Variants in RGS22 observed in about 807,000 individuals in gnomAD.
RGS22 encodes the protein regulator of G protein signaling 22.
RGS22 carries 148 observed loss-of-function variants against 172.9 expected under a neutral mutation model. That is an observed-to-expected ratio of 0.86 (90% CI 0.75 to 0.98). The LOEUF (loss-of-function observed/expected upper bound fraction) is 0.98, where lower values mean the gene tolerates loss of function less well. RGS22 is among the 50% of genes least tolerant of loss of function. The pLI, the probability that RGS22 is intolerant of heterozygous loss-of-function variation, is 0.00. For synonymous variants in RGS22, 458 were observed against 480.2 expected (o/e 0.95, Z 0.60); for missense variants, 1,347 against 1,440.8 (o/e 0.93, Z 1.05).
intron 22 of RGS22, among the ~76,000 whole-genome samples, chr8:99,981,454 AG>A (rs1812539578): frequency 6.6e-6 from 1 of 152,200 alleles, no homozygotes; most frequent in Admixed American, 6.5e-5. Context: ...AAAAGAAAGG[AG>A]GAATTAGCTG....
At chr8:100,094,590 A>T (rs1812824242) in intron 2 of RGS22, among the ~76,000 whole-genome samples, 1 of 152,214 alleles carries the variant, frequency 6.6e-6, no homozygotes, top group South Asian at 2.1e-4. Flanking sequence ...TAAAAATTTC[A>T]ACTGATTAAA....
In RGS22 at chr8:100,047,477, A is replaced by G. The variant is rs958889215; in HGVS notation, c.1809T>C (p.Asp603=). 5.0e-6 allele frequency: 8 copies of G among 1,598,982 alleles called. No homozygotes were observed. Among genetic ancestry groups the G allele is most frequent in the African/African-American group, 4.0e-5 (3 of 74,140 alleles). The part of the protein sequence containing the change: ...ELLYPGSSKD[D]VIEKGSKYMS... Reference sequence around the variant, plus strand: ...GTTGCACCTACCCTTTCTCAATCACATCATCCTTAGAAGAACCTGGATACA... The same window carrying G: ...GTTGCACCTACCCTTTCTCAATCACGTCATCCTTAGAAGAACCTGGATACA... Residue 603 remains aspartate, a synonymous_variant, in exon 11 of 28, where the codon GAT becomes GAC. Coordinates refer to ENST00000360863, the MANE Select transcript of RGS22 (RefSeq NM_015668.5).
At chr8:99,973,064 T>A (rs918463740) in intron 23 of RGS22, among the ~76,000 whole-genome samples, 3 of 150,152 alleles carry the variant, frequency 2.0e-5, no homozygotes, top group African/African-American at 7.4e-5. Context: ...ACACTGTTGG[T>A]GGAAGTGTAA....
At chr8:100,016,626 A>C (rs1354490364) in intron 14 of RGS22, among the ~76,000 whole-genome samples, 2 of 151,908 alleles carry the variant, frequency 1.3e-5, no homozygotes, top group Admixed American at 1.3e-4. Flanking sequence ...AAATACAAAA[A>C]ATTAGCCGGG....
chr8:99,962,625 G>C, intron 26 of RGS22, 62 bp downstream of exon 26: 1 of 1,514,506 alleles, frequency 6.6e-7, no homozygotes, highest in African/African-American at 1.4e-5. Flanking sequence ...ATGGCCAGGT[G>C]AGAGGCAAAA....
intron 14 of RGS22, among the ~76,000 whole-genome samples, chr8:100,010,632 T>C (rs1280154444): frequency 6.6e-6 from 1 of 152,172 alleles, no homozygotes; most frequent in Non-Finnish European, 1.5e-5. Flanking sequence ...CTGAGATCCT[T>C]GAGGGCAAAG....
At chr8:99,997,448 A>G (rs1814515987) in intron 19 of RGS22, among the ~76,000 whole-genome samples, 1 of 152,188 alleles carries the variant, frequency 6.6e-6, no homozygotes, top group African/African-American at 2.4e-5. Context: ...CCCAAAGCTT[A>G]TTTCCAGAAA....
intron 4 of RGS22, among the ~76,000 whole-genome samples, chr8:100,075,581 G>A (rs945904966): frequency 3.3e-5 from 5 of 152,166 alleles, no homozygotes; most frequent in African/African-American, 1.2e-4. Flanking sequence ...TGTTTAACTT[G>A]GAAAGAAGTG....
chr8:100,006,679 C>T (rs866892353), intron 15 of RGS22, among the ~76,000 whole-genome samples: 1 of 152,274 alleles, frequency 6.6e-6, no homozygotes, highest in South Asian at 2.1e-4. Flanking sequence ...GAAGAGCTGC[C>T]TGAGAACTTT....
chr8:100,005,770 G>A (rs1815627877), intron 16 of RGS22, among the ~76,000 whole-genome samples: 2 of 152,162 alleles, frequency 1.3e-5, no homozygotes, highest in South Asian at 4.1e-4. Flanking sequence ...TCTGGTCTTA[G>A]CTAAGGCAAA....
intron 9 of RGS22, among the ~76,000 whole-genome samples, chr8:100,061,240 T>C (rs902761029): frequency 5.3e-5 from 8 of 152,162 alleles, no homozygotes; most frequent in African/African-American, 1.9e-4. Flanking sequence ...ATTCAGGACA[T>C]AGGCACAGGC....
At chr8:100,028,099 C>A (rs1223197438) in intron 14 of RGS22, among the ~76,000 whole-genome samples, 1 of 152,034 alleles carries the variant, frequency 6.6e-6, no homozygotes, top group East Asian at 1.9e-4. Context: ...TCACTTTTCG[C>A]CTCTAAGAGC....
chr8:99,995,023 C>T (rs1450095514), intron 20 of RGS22, among the ~76,000 whole-genome samples: 1 of 152,156 alleles, frequency 6.6e-6, no homozygotes, highest in East Asian at 1.9e-4. Flanking sequence ...GGAAACGATT[C>T]CCTATTTAAT....
chr8:99,981,713 C>CT (rs977740995), intron 22 of RGS22, among the ~76,000 whole-genome samples: 3 of 143,186 alleles, frequency 2.1e-5, no homozygotes, highest in South Asian at 2.2e-4. Context: ...TTTTTATTTA[C>CT]TTTTTTTTAG....
In RGS22 at chr8:100,051,534, CATAT is replaced by C. The variant is rs1184062387; in HGVS notation, c.1689+1264_1689+1267del. ...ATAAATATATTTTTATATATTTATACATATATATTTATACATGTATTTATATAAA... is the reference window on the plus strand; with the variant it reads ...ATAAATATATTTTTATATATTTATACATATTTATACATGTATTTATATAAA... On this transcript the variant is annotated intron_variant, in intron 10 of 27. Coordinates refer to ENST00000360863, the MANE Select transcript of RGS22 (RefSeq NM_015668.5). Among the ~76,000 whole-genome samples, 19 of 64,350 alleles carry C rather than the reference CATAT, an allele frequency of 3.0e-4. 6 individuals carry two copies. Among genetic ancestry groups the C allele is most frequent in the Non-Finnish European group, 1.1e-4 (4 of 37,228 alleles). The allele number at this position is 64,350 out of a possible 152,430, so 42.2% of individuals were successfully genotyped here.
chr8:100,047,474 C>T lies in RGS22; in HGVS notation c.1812G>A (p.Val604=), dbSNP rs752774188. The change falls in exon 11 of 28, where the codon GTG becomes GTA. Residue 604 remains valine, a synonymous_variant. Transcript: ENST00000360863. ...LLYPGSSKDD[V]IEKGSKYMSE... ...AAAGTTGCACCTACCCTTTCTCAAT[C>T]ACATCATCCTTAGAAGAACCTGGAT... The T allele has an allele frequency of 5.5e-5, 87 of 1,593,948 alleles. No individual in the cohort carries two copies. Among genetic ancestry groups the T allele is most frequent in the Middle Eastern group, 1.7e-4 (1 of 6,002 alleles).
In RGS22 at chr8:99,965,342, C is replaced by G. The variant is rs1189708418; in HGVS notation, c.3608G>C (p.Gly1203Ala). The stretch of plus-strand genomic sequence containing the variant: ...ACCATCTTGCATGCTTACCTGTCGG[C>G]CATATGGTTGGAGGCCTAGGAAGGA... Reference protein sequence around the residue: ...SDSFLGLQPYGRQPTWCYSKY... With the variant: ...SDSFLGLQPYARQPTWCYSKY... The change falls in exon 24 of 28, where the codon GGC becomes GCC. Residue 1203 changes from glycine (G) to alanine (A), a missense_variant. Coordinates refer to ENST00000360863, the MANE Select transcript of RGS22 (RefSeq NM_015668.5). 6.2e-7 allele frequency: 1 copy of G among 1,612,020 alleles called. No homozygotes were observed. Among genetic ancestry groups the G allele is most frequent in the Non-Finnish European group, 8.5e-7 (1 of 1,178,336 alleles).
chr8:99,962,620 C>T (rs1810326010), intron 26 of RGS22, 67 bp downstream of exon 26: 2 of 1,495,174 alleles, frequency 1.3e-6, no homozygotes, highest in African/African-American at 2.8e-5. Flanking sequence ...TCTGAATGGC[C>T]AGGTGAGAGG....
At position 100,002,378 on chromosome 8, in the gene RGS22, A is replaced by T. The variant is rs1489909564; in HGVS notation, c.2628-14T>A. On this transcript the variant is annotated splice_polypyrimidine_tract_variant and intron_variant, in intron 17 of 27. Transcript: ENST00000360863. ...ATAAGATCCATGCTAAAATGAAAAC[A>T]AAAACAATGTATAGCTCTTCATATT... 1 of 1,591,428 alleles carries T rather than the reference A, an allele frequency of 6.3e-7. No individual in the cohort carries two copies. Among genetic ancestry groups the T allele is most frequent in the Non-Finnish European group, 8.5e-7 (1 of 1,173,924 alleles).
Sources: allele counts gnomAD v4.1 joint callset (sites outside exome capture counted in the v4.1 genomes callset), GRCh38; gene constraint gnomAD v4.1.1; transcripts MANE v1.5; gene names NCBI Gene and HGNC (gene_info 2026-07-23, HGNC 2026-07-21).